Variants in MAST1 observed in about 807,000 individuals in gnomAD.
MAST1 encodes the protein microtubule-associated serine/threonine-protein kinase 1.
In MAST1, 40 loss-of-function variants were observed where a neutral mutation model predicts 124.6. The observed-to-expected ratio is 0.32, with a 90% confidence interval of 0.25 to 0.42. The LOEUF is 0.42. Ranked by LOEUF, MAST1 falls within the 10% of genes least tolerant of loss-of-function variation. The probability of loss-of-function intolerance (pLI) is 1.00; values close to 1 mark genes in which losing one functional copy is unlikely to be tolerated. For synonymous variants in MAST1, 938 were observed against 939.4 expected (o/e 1.00, Z 0.03); for missense variants, 1,558 against 2,181.9 (o/e 0.71, Z 5.70).
Position 12,840,992 on chromosome 19 carries a change from C to T in MAST1, c.174C>T (p.Gly58=). The T allele has an allele frequency of 8.0e-7, 1 of 1,243,320 alleles. No individual in the cohort carries two copies. The highest frequency in any genetic ancestry group is 1.2e-6 in the Non-Finnish European group (1 of 840,536). 77.0% of individuals were successfully genotyped at this position (1,243,320 alleles called of 1,614,324 possible). The part of the protein sequence containing the change: ...RPHSPLPGHL[G]SSPLDSPRNF... ...ATTTGCCCCCTCTTTCTCTCATAGG[C>T]AGCAGTCCCCTGGACAGCCCCCGAA... is the stretch of plus-strand genomic sequence containing the variant. The change falls in exon 3 of 26, where the codon GGC becomes GGT. Residue 58 remains glycine, a splice_region_variant and synonymous_variant. Transcript: ENST00000251472.
rs1568414424 is a variant in MAST1, at chr19:12,868,102, G to GTTTTTTTTTTTTTTTTTTTT, written c.2566+125_2566+126insTTTTTTTTTTTTTTTTTTTT. On this transcript the variant is annotated intron_variant, in intron 20 of 25. Coordinates refer to ENST00000251472, the MANE Select transcript of MAST1 (RefSeq NM_014975.3). ...AGGTCCTATTCACATTGCAATTTGG[G>GTTTTTTTTTTTTTTTTTTTT]ATTTTTTTTTTTTTTTTTTTTTTTG... 15 of 539,314 alleles carry GTTTTTTTTTTTTTTTTTTTT rather than the reference G, an allele frequency of 2.8e-5. No homozygotes were observed. The East Asian group carries it at 3.1e-4, about 11-fold the overall frequency. The allele number at this position is 539,314 out of a possible 1,614,324, so 33.4% of individuals were successfully genotyped here. A position where few individuals can be genotyped will look rare whatever the true frequency, so the allele number is the denominator to read the frequency against.
Position 12,874,267 on chromosome 19 carries a change from C to T in MAST1, c.4110C>T (p.Thr1370=), listed in dbSNP as rs1192955940. The T allele has an allele frequency of 6.3e-7, 1 of 1,582,240 alleles. No homozygotes were observed. The highest frequency in any genetic ancestry group is 8.6e-7 in the Non-Finnish European group (1 of 1,169,522). ...CCCCGGGGGGCGCCGAGGCGTGCAC[C>T]CCACCCCGCGCGACGACCCCCGGTG... ...KESPGGAEAC[T]PPRATTPGGR... The change falls in exon 26 of 26, where the codon ACC becomes ACT. Residue 1370 remains threonine, a synonymous_variant. Transcript: ENST00000251472. The surrounding 1 kb of genome is among the most constrained non-coding windows in gnomAD (Gnocchi z 6.6).
intron 22 of MAST1, 49 bp downstream of exon 22, chr19:12,869,344 G>A: frequency 6.6e-7 from 1 of 1,508,922 alleles, no homozygotes; most frequent in East Asian, 2.4e-5. Context: ...GGGTGGTGGG[G>A]AAAAGGCCCC....
At position 12,858,556 on chromosome 19, in the gene MAST1, G is replaced by C; in HGVS notation, c.1183G>C (p.Asp395His). The part of the protein sequence containing the change: ...YGAVYLVRHR[D>H]TRQRFAMKKI... ...CGCTGTCTACCTGGTGCGGCACCGC[G>C]ACACGCGGCAGCGCTTTGCCATGAA... Residue 395 changes from aspartate to histidine, a missense_variant, in exon 12 of 26, where the codon GAC (aspartate) becomes CAC (histidine). Asp to His is a moderately conservative substitution (Grantham distance 81). Transcript: ENST00000251472. The C allele has an allele frequency of 6.2e-7, 1 of 1,614,256 alleles. No homozygotes were observed. The highest frequency in any genetic ancestry group is 8.5e-7 in the Non-Finnish European group (1 of 1,180,050).
intron 12 of MAST1, among the ~76,000 whole-genome samples, chr19:12,861,892 G>C (rs902231998): frequency 2.6e-5 from 4 of 151,694 alleles, no homozygotes. Context: ...TAGTAGAGAT[G>C]GGGTTTCATC....
Position 12,852,049 on chromosome 19 carries a change from G to A in MAST1, c.876+14G>A. 6.2e-7 allele frequency: 1 copy of A among 1,613,990 alleles called. No individual in the cohort carries two copies. The highest frequency in any genetic ancestry group is 8.5e-7 in the Non-Finnish European group (1 of 1,179,988). On this transcript the variant is annotated intron_variant, in intron 8 of 25. Transcript: ENST00000251472. ...CTGGAGTGCCTGGTGAGGGGGCTGG[G>A]CATGGGTAGGGGTGGGTTGGTAGAC...
At chr19:12,873,020 T>C (rs969893379) in intron 24 of MAST1, among the ~76,000 whole-genome samples, 4 of 151,510 alleles carry the variant, frequency 2.6e-5, no homozygotes, top group African/African-American at 9.7e-5. Flanking sequence ...TCTATCTTGA[T>C]AGGTGGATTG....
In MAST1 at chr19:12,852,502, A is replaced by G. The variant is rs574956369; in HGVS notation, c.1077+107A>G. 2,310 of 1,037,490 alleles carry G rather than the reference A, an allele frequency of 2.2e-3. 3 individuals carry two copies. Among genetic ancestry groups the G allele is most frequent in the Non-Finnish European group, 3.0e-3 (2,010 of 673,378 alleles). The allele number at this position is 1,037,490 out of a possible 1,614,324, so 64.3% of individuals were successfully genotyped here. On this transcript the variant is annotated intron_variant, in intron 10 of 25. Coordinates refer to ENST00000251472, the MANE Select transcript of MAST1 (RefSeq NM_014975.3). ...GGCTTTGTGGATCTCTTGGTCCTAC[A>G]CTCTGAGCCTCAGTTTTCCCATCCA... is the stretch of plus-strand genomic sequence containing the variant.
Position 12,838,807 on chromosome 19 carries a change from A to T in MAST1, c.83+152A>T. On this transcript the variant is annotated intron_variant, in intron 1 of 25. Transcript: ENST00000251472. The surrounding 1 kb of genome is among the most constrained non-coding windows in gnomAD (Gnocchi z 4.3). ...GCCTTCCCGCCGGGGTTGGGGTTGAATGGGGGGTGGTGTGGGCCGAGTCTG... is the reference window on the plus strand; with the variant it reads ...GCCTTCCCGCCGGGGTTGGGGTTGATTGGGGGGTGGTGTGGGCCGAGTCTG... The T allele has an allele frequency of 1.8e-4, 77 of 435,104 alleles. No individual in the cohort carries two copies. The highest frequency in any genetic ancestry group is 8.6e-4 in the Middle Eastern group (2 of 2,332). 27.0% of individuals were successfully genotyped at this position (435,104 alleles called of 1,614,324 possible).
intron 12 of MAST1, among the ~76,000 whole-genome samples, chr19:12,860,358 C>A (rs772148829): frequency 4.6e-5 from 7 of 151,674 alleles, no homozygotes; most frequent in African/African-American, 1.7e-4. Context: ...CCTCATGATC[C>A]GCCCACCTCG....
chr19:12,866,608 G>A lies in MAST1; in HGVS notation c.2030-45G>A. On this transcript the variant is annotated intron_variant, in intron 17 of 25. Transcript: ENST00000251472. The surrounding 1 kb of genome is among the most constrained non-coding windows in gnomAD (Gnocchi z 5.2). ...GGGCTCCTGTGGGGATGTGATATGA[G>A]GAGGAACCCCGTACCCTCAGTCACA... 7.6e-7 allele frequency: 1 copy of A among 1,324,132 alleles called. No homozygotes were observed. The highest frequency in any genetic ancestry group is 1.2e-5 in the South Asian group (1 of 81,888). The allele number at this position is 1,324,132 out of a possible 1,614,324, so 82.0% of individuals were successfully genotyped here.
At chr19:12,869,618 A>G (rs1970206303) in intron 22 of MAST1, among the ~76,000 whole-genome samples, 1 of 151,890 alleles carries the variant, frequency 6.6e-6, no homozygotes. Flanking sequence ...TTGTATTTTT[A>G]GTAGAGACGG....
At position 12,874,219 on chromosome 19, in the gene MAST1, A is replaced by G. The variant is rs759520525; in HGVS notation, c.4062A>G (p.Pro1354=). ...PLLPEGASRP[P]VSSKEKESPG... is the part of the protein sequence containing the mutation. Reference sequence around the variant, plus strand: ...TGCCCGAGGGTGCCTCCAGGCCACCAGTGTCGAGCAAGGAGAAGGAATCCC... The same window carrying G: ...TGCCCGAGGGTGCCTCCAGGCCACCGGTGTCGAGCAAGGAGAAGGAATCCC... Residue 1354 remains proline, a synonymous_variant, in exon 26 of 26, where the codon CCA becomes CCG. Transcript: ENST00000251472. This position sits in a 1 kb window ranked among gnomAD's most constrained non-coding sequence, Gnocchi z 6.6. 1.9e-6 allele frequency: 3 copies of G among 1,547,232 alleles called. No homozygotes were observed. Among genetic ancestry groups the G allele is most frequent in the Non-Finnish European group, 1.7e-6 (2 of 1,149,146 alleles).
At chr19:12,851,355 C>T (rs1192710328) in intron 7 of MAST1, among the ~76,000 whole-genome samples, 1 of 151,804 alleles carries the variant, frequency 6.6e-6, no homozygotes, top group East Asian at 1.9e-4. Context: ...CCTTAGCCCC[C>T]TGGGCTCAAG....
intron 2 of MAST1, 32 bp downstream of exon 2, chr19:12,840,566 A>C (rs1275880246): frequency 1.3e-6 from 2 of 1,516,406 alleles, no homozygotes; most frequent in Non-Finnish European, 1.8e-6. Flanking sequence ...TGGTGGGTGC[A>C]GACTGGCCTA....
intron 11 of MAST1, 21 bp from the exon 12 acceptor site, chr19:12,858,510 C>G (rs1396398644): frequency 1.2e-6 from 2 of 1,612,810 alleles, no homozygotes; most frequent in Non-Finnish European, 1.7e-6. Flanking sequence ...GACGGCCGGT[C>G]CTCGCTCTCT....
chr19:12,850,949 T>G (rs1391250902), intron 7 of MAST1, among the ~76,000 whole-genome samples: 2 of 137,770 alleles, frequency 1.5e-5, no homozygotes, highest in Admixed American at 7.5e-5. Context: ...AGTTTTTTCT[T>G]TTCTTTTTTT....
chr19:12,861,680 C>T (rs139065022), intron 12 of MAST1, among the ~76,000 whole-genome samples: 1 of 143,448 alleles, frequency 7.0e-6, no homozygotes, highest in African/African-American at 2.7e-5. Flanking sequence ...TTCTTTTTCT[C>T]TCTTTCTTTC....
rs763548143 is a variant in MAST1, at chr19:12,841,036, C to T, written c.218C>T (p.Pro73Leu). 1.3e-6 allele frequency: 2 copies of T among 1,547,378 alleles called. No homozygotes were observed. Among genetic ancestry groups the T allele is most frequent in the South Asian group, 1.1e-5 (1 of 89,800 alleles). Residue 73 changes from proline (P) to leucine (L), a missense_variant, in exon 3 of 26, where the codon CCC (proline) becomes CTC (leucine). By Grantham distance (98) the Pro-to-Leu change is moderately conservative (BLOSUM62 -3). Coordinates refer to ENST00000251472, the MANE Select transcript of MAST1 (RefSeq NM_014975.3). This position sits in a 1 kb window ranked among gnomAD's most constrained non-coding sequence, Gnocchi z 4.3. ...DSPRNFSPNTPAHFSFASSRR... is the reference protein window; with the variant it reads ...DSPRNFSPNTLAHFSFASSRR... ...CCCCGAAACTTCTCCCCCAACACCCCCGCCCACTTCTCGTTTGCCTCCTCC... is the reference window on the plus strand; with the variant it reads ...CCCCGAAACTTCTCCCCCAACACCCTCGCCCACTTCTCGTTTGCCTCCTCC...
Sources: allele counts gnomAD v4.1 joint callset (sites outside exome capture counted in the v4.1 genomes callset), GRCh38; gene constraint gnomAD v4.1.1; non-coding constraint Gnocchi (gnomAD v3.1); transcripts MANE v1.5; gene names NCBI Gene and HGNC (gene_info 2026-07-23, HGNC 2026-07-21).